The following ANXA10 variants were observed in gnomAD, a reference collection of about 807,000 sequenced individuals.
The protein encoded by ANXA10 is annexin 14.
A neutral mutation model predicts 53.5 loss-of-function variants in ANXA10; 49 were observed. The observed-to-expected ratio is 0.92, with a 90% confidence interval of 0.73 to 1.16. The LOEUF is 1.16. Among genes scored for constraint, ANXA10 ranks in the 50% most tolerant of loss-of-function variants. The probability of loss-of-function intolerance (pLI) is 0.00; values close to 1 mark genes in which losing one functional copy is unlikely to be tolerated. For synonymous variants in ANXA10, 131 were observed against 128.9 expected (o/e 1.02, Z -0.11); for missense variants, 393 against 394.4 (o/e 1.00, Z 0.03).
intron 1 of ANXA10, among the ~76,000 whole-genome samples, chr4:168,096,153 A>T (rs918308039): frequency 6.6e-6 from 1 of 152,014 alleles, no homozygotes; most frequent in African/African-American, 2.4e-5. Flanking sequence ...AAGACATCTC[A>T]TGGGAGGAGA....
At chr4:168,127,727 G>T (rs202161432) in intron 1 of ANXA10, 9 of 463,006 alleles carry the variant, frequency 1.9e-5, no homozygotes, top group South Asian at 1.5e-4. Context: ...TAAGGCGTTT[G>T]TTTAACAGGC....
intron 1 of ANXA10, among the ~76,000 whole-genome samples, chr4:168,107,369 T>C (rs996247293): frequency 2.6e-5 from 4 of 152,214 alleles, no homozygotes; most frequent in Non-Finnish European, 4.4e-5. Flanking sequence ...TTTCCAATTA[T>C]ATAAAGTGAT....
At chr4:168,158,094 A>G (rs1181637779) in intron 3 of ANXA10, among the ~76,000 whole-genome samples, 1 of 152,188 alleles carries the variant, frequency 6.6e-6, no homozygotes, top group African/African-American at 2.4e-5. Context: ...CCTCACCAAC[A>G]CCTGGTATTA....
At chr4:168,112,747 A>G (rs912539513) in intron 1 of ANXA10, among the ~76,000 whole-genome samples, 1 of 152,112 alleles carries the variant, frequency 6.6e-6, no homozygotes, top group South Asian at 2.1e-4. Context: ...CCCTGCCGGC[A>G]TGGTGGCTCA....
intron 3 of ANXA10, among the ~76,000 whole-genome samples, chr4:168,156,299 T>C (rs1245583815): frequency 1.7e-5 from 1 of 57,966 alleles, no homozygotes; most frequent in South Asian, 4.1e-4. Context: ...TATATTATAT[T>C]ATATATAATA....
At chr4:168,163,722 G>A (rs7660911) in intron 4 of ANXA10, among the ~76,000 whole-genome samples, 76,437 of 151,796 alleles carry the variant, frequency 0.5, 19,647 homozygotes, top group Non-Finnish European at 0.53. Flanking sequence ...ACCACAGAAA[G>A]CATCCATCCA....
In ANXA10 at chr4:168,181,661, TTCTC is replaced by T. The variant is rs781708630; in HGVS notation, c.725-16_725-13del. On this transcript the variant is annotated intron_variant, in intron 9 of 11. Transcript: ENST00000359299. ...ATGTTTTCACTCTCAATGTTTCTTC[TTCTC>T]TCTCTGATTTCTCCTAGTTCTCTGT... 3.2e-6 allele frequency: 5 copies of T among 1,582,038 alleles called. No homozygotes were observed. Among genetic ancestry groups the T allele is most frequent in the African/African-American group, 2.7e-5 (2 of 74,268 alleles).
chr4:168,156,586 C>G (rs999539407), intron 3 of ANXA10, among the ~76,000 whole-genome samples: 1 of 150,658 alleles, frequency 6.6e-6, no homozygotes, highest in African/African-American at 2.4e-5. Context: ...TCACTGCAAG[C>G]TCTGCCTCCC....
intron 6 of ANXA10, among the ~76,000 whole-genome samples, chr4:168,167,390 C>T (rs914712795): frequency 2.0e-5 from 3 of 152,176 alleles, no homozygotes; most frequent in African/African-American, 7.2e-5. Context: ...TTTTGCCCAA[C>T]TGTAGGCTAC....
intron 3 of ANXA10, among the ~76,000 whole-genome samples, chr4:168,155,159 A>G (rs1731583659): frequency 1.3e-5 from 2 of 151,080 alleles, no homozygotes; most frequent in Admixed American, 6.7e-5. Flanking sequence ...TGCCTGATCA[A>G]ATCCCACTTT....
intron 6 of ANXA10, among the ~76,000 whole-genome samples, chr4:168,177,006 A>T (rs1269203625): frequency 1.3e-5 from 2 of 152,172 alleles, no homozygotes; most frequent in African/African-American, 4.8e-5. Context: ...TCTCAAAAAA[A>T]GAAAAATGGT....
chr4:168,147,632 G>C (rs1578915851), intron 3 of ANXA10, among the ~76,000 whole-genome samples: 1 of 152,164 alleles, frequency 6.6e-6, no homozygotes, highest in East Asian at 1.9e-4. Context: ...TAGTCTAAAG[G>C]TCTCCAATCA....
chr4:168,125,398 CTTG>C (rs1731051711), intron 1 of ANXA10, among the ~76,000 whole-genome samples: 1 of 152,172 alleles, frequency 6.6e-6, no homozygotes. Flanking sequence ...CAGCAGGTGT[CTTG>C]TTAGTCAAAC....
intron 1 of ANXA10, among the ~76,000 whole-genome samples, chr4:168,097,218 G>A (rs1030627784): frequency 2.0e-5 from 3 of 151,462 alleles, no homozygotes; most frequent in Admixed American, 6.6e-5. Flanking sequence ...AATTCTCTCC[G>A]TATCCATTCA....
chr4:168,179,904 T>C (rs1000625929), intron 9 of ANXA10, among the ~76,000 whole-genome samples: 7 of 152,186 alleles, frequency 4.6e-5, no homozygotes, highest in Non-Finnish European at 8.8e-5. Context: ...TAGAACTACC[T>C]GTGCAATAGA....
intron 2 of ANXA10, among the ~76,000 whole-genome samples, chr4:168,137,497 G>A (rs562155125): frequency 6.6e-5 from 10 of 151,970 alleles, no homozygotes; most frequent in Non-Finnish European, 1.0e-4. Flanking sequence ...TGTACCCTTC[G>A]TTTAGCTCCC....
intron 1 of ANXA10, chr4:168,127,727 G>A (rs202161432): frequency 4.8e-5 from 22 of 462,924 alleles, no homozygotes; most frequent in Non-Finnish European, 8.2e-5. Context: ...TAAGGCGTTT[G>A]TTTAACAGGC....
intron 8 of ANXA10, 79 bp downstream of exon 8, chr4:168,178,062 T>C: frequency 7.5e-7 from 1 of 1,334,190 alleles, no homozygotes; most frequent in Non-Finnish European, 1.1e-6. Context: ...GAAACAAAAA[T>C]GAAATATTAC....
chr4:168,149,762 C>G (rs1731466372), intron 3 of ANXA10, among the ~76,000 whole-genome samples: 1 of 152,174 alleles, frequency 6.6e-6, no homozygotes, highest in Non-Finnish European at 1.5e-5. Flanking sequence ...CAGGAAAGCA[C>G]AGGTCTATTG....
Sources: gnomAD v4.1 joint callset for allele counts (sites outside exome capture counted in the v4.1 genomes callset) on GRCh38, gnomAD v4.1.1 for gene constraint, MANE v1.5 for transcripts, NCBI Gene and HGNC (gene_info 2026-07-23, HGNC 2026-07-21) for gene names.